KAZN: variants seen among roughly 807,000 people sequenced by gnomAD.
The protein encoded by KAZN is kazrin.
In KAZN, 40 loss-of-function variants were observed where a neutral mutation model predicts 87.4. That is an observed-to-expected ratio of 0.46 (90% confidence interval 0.36 to 0.60). The LOEUF is 0.60. Ranked by LOEUF, KAZN falls within the 20% of genes least tolerant of loss-of-function variation. The pLI is 0.00. For missense variants in KAZN, 898 were observed against 1,073.9 expected (o/e 0.84, Z 2.29); for synonymous variants, 466 against 458.3 (o/e 1.02, Z -0.22).
chr1:15,030,934 G>A (rs1173766895), intron 2 of KAZN, among the ~76,000 whole-genome samples: 4 of 152,246 alleles, frequency 2.6e-5, no homozygotes, highest in African/African-American at 7.2e-5. Context: ...CCTCCCCGTG[G>A]TGACATGGCC....
chr1:14,170,572 G>A (rs1204815568), intron 1 of KAZN, among the ~76,000 whole-genome samples: 1 of 152,196 alleles, frequency 6.6e-6, no homozygotes, highest in African/African-American at 2.4e-5. Flanking sequence ...CTGCTTTAAA[G>A]TGTATAATCC....
chr1:15,013,012 G>A (rs1046756406), intron 2 of KAZN, among the ~76,000 whole-genome samples: 4 of 152,200 alleles, frequency 2.6e-5, no homozygotes, highest in Admixed American at 2.0e-4. Flanking sequence ...GGCTCAGCCA[G>A]GTTCCCAGCT....
At chr1:14,321,407 T>C (rs1417895615) in intron 2 of KAZN, among the ~76,000 whole-genome samples, 1 of 152,220 alleles carries the variant, frequency 6.6e-6, no homozygotes, top group Admixed American at 6.5e-5. Context: ...CTTTGGGTTA[T>C]AAAATATTGA....
At chr1:14,642,339 G>A (rs1680469427) in intron 1 of KAZN, among the ~76,000 whole-genome samples, 1 of 152,232 alleles carries the variant, frequency 6.6e-6, no homozygotes, top group African/African-American at 2.4e-5. Context: ...GGCGGAGGTT[G>A]CAGTGAGCTG....
intron 2 of KAZN, among the ~76,000 whole-genome samples, chr1:14,436,229 C>T (rs575638971): frequency 2.7e-5 from 4 of 150,864 alleles, no homozygotes; most frequent in Non-Finnish European, 5.9e-5. Context: ...AACTCCAACT[C>T]AAAAAAAAGA....
intron 2 of KAZN, among the ~76,000 whole-genome samples, chr1:14,295,604 C>A (rs1005345989): frequency 6.6e-6 from 1 of 152,038 alleles, no homozygotes. Context: ...CCCATGTGCA[C>A]CAAAGAGCCA....
Position 14,146,333 on chromosome 1 carries a change from G to C in KAZN, c.92-34102G>C, listed in dbSNP as rs532016123. Reference sequence around the variant, plus strand: ...GTGGATCGCCTGAGGTCAGGAGTTTGAGACCAGCCTGGCCAACATGGTGAA... The same window carrying C: ...GTGGATCGCCTGAGGTCAGGAGTTTCAGACCAGCCTGGCCAACATGGTGAA... On this transcript the variant is annotated intron_variant, in intron 1 of 16. Coordinates refer to the KAZN transcript ENST00000636203. Among the ~76,000 whole-genome samples, 6 of 151,930 alleles carry C rather than the reference G, an allele frequency of 3.9e-5. No homozygotes were observed. The East Asian group carries it at 1.2e-3, about 29-fold the overall frequency.
At chr1:14,122,249 G>A (rs139365152) in intron 1 of KAZN, among the ~76,000 whole-genome samples, 4 of 152,310 alleles carry the variant, frequency 2.6e-5, no homozygotes, top group African/African-American at 9.6e-5. Flanking sequence ...TTTTAGATGT[G>A]CAGCAGAAAG....
At chr1:14,345,979 A>G (rs552069913) in intron 2 of KAZN, among the ~76,000 whole-genome samples, 2 of 152,330 alleles carry the variant, frequency 1.3e-5, no homozygotes, top group Middle Eastern at 6.8e-3. Context: ...TATAAGCCTT[A>G]TCGTACTAAT....
rs187397863 is a variant in KAZN, at chr1:14,856,848, A to G, written c.227-103836A>G. Among the ~76,000 whole-genome samples the G allele has an allele frequency of 2.0e-5, 3 of 152,266 alleles. No homozygotes were observed. Among genetic ancestry groups the G allele is most frequent in the East Asian group, 1.9e-4 (1 of 5,170 alleles). The stretch of plus-strand genomic sequence containing the variant: ...ACTCAGACTTTTTTCCTCTGTTGTC[A>G]TCCTTTGATGCTTCTCCTTGGGAGG... On this transcript the variant is annotated intron_variant, in intron 1 of 14. Coordinates refer to ENST00000376030, the MANE Select transcript of KAZN (RefSeq NM_201628.3). This position sits in a 1 kb window ranked among gnomAD's most constrained non-coding sequence, Gnocchi z 5.2.
At chr1:14,144,252 T>C (rs1049307967) in intron 1 of KAZN, among the ~76,000 whole-genome samples, 8 of 152,174 alleles carry the variant, frequency 5.3e-5, no homozygotes, top group Non-Finnish European at 1.0e-4. Context: ...CCTTCATCTT[T>C]TTGCTCTGCG....
At chr1:15,034,179 G>C (rs972195456) in intron 2 of KAZN, among the ~76,000 whole-genome samples, 1 of 152,180 alleles carries the variant, frequency 6.6e-6, no homozygotes, top group Admixed American at 6.5e-5. Flanking sequence ...CTTTCTTGAT[G>C]ATATCCTTTG....
At chr1:15,048,427 T>C (rs1012927740) in intron 4 of KAZN, among the ~76,000 whole-genome samples, 14 of 151,952 alleles carry the variant, frequency 9.2e-5, no homozygotes, top group African/African-American at 2.7e-4. Flanking sequence ...TGTGTATGTG[T>C]GTGTGTGTGT....
At position 14,162,985 on chromosome 1, in the gene KAZN, T is replaced by TGGACCTTCCTTTAGC. The variant is rs1312835733; in HGVS notation, c.92-17448_92-17447insACCTTCCTTTAGCGG. Among the ~76,000 whole-genome samples the TGGACCTTCCTTTAGC allele has an allele frequency of 2.0e-5, 3 of 152,076 alleles. No homozygotes were observed. The East Asian group carries it at 5.8e-4, about 29-fold the overall frequency. ...AGTAAATCTTGGCTTTTTTTTTTAGTGGTCCTTCCTTTAGCTTATCTCTCT... is the reference window on the plus strand; with the variant it reads ...AGTAAATCTTGGCTTTTTTTTTTAGTGGACCTTCCTTTAGCGGTCCTTCCTTTAGCTTATCTCTCT... On this transcript the variant is annotated intron_variant, in intron 1 of 16. Transcript: ENST00000636203.
intron 2 of KAZN, among the ~76,000 whole-genome samples, chr1:14,345,913 C>T (rs1658073469): frequency 6.6e-6 from 1 of 152,170 alleles, no homozygotes; most frequent in Admixed American, 6.5e-5. Flanking sequence ...AAGAAGTTCT[C>T]TCAGGGAAGT....
At chr1:14,349,963 C>T (rs748820023) in intron 2 of KAZN, among the ~76,000 whole-genome samples, 14 of 151,908 alleles carry the variant, frequency 9.2e-5, no homozygotes, top group East Asian at 1.9e-4. Flanking sequence ...GGCGAAAACC[C>T]GTCCCTACTG....
rs762030904 is a variant in KAZN, at chr1:14,508,674, C to G, written c.250-90309C>G. Among the ~76,000 whole-genome samples the G allele has an allele frequency of 3.3e-5, 5 of 152,252 alleles. No individual in the cohort carries two copies. The South Asian group carries it at 6.2e-4, about 19-fold the overall frequency. ...GGAGGGCTTAGAGGACCCAAGGGTCCAGGCACACATCATCCAGCATTTATG... is the reference window on the plus strand; with the variant it reads ...GGAGGGCTTAGAGGACCCAAGGGTCGAGGCACACATCATCCAGCATTTATG... On this transcript the variant is annotated intron_variant, in intron 2 of 16. Coordinates refer to the KAZN transcript ENST00000636203.
intron 1 of KAZN, among the ~76,000 whole-genome samples, chr1:14,080,136 G>T (rs1483134650): frequency 6.6e-6 from 1 of 152,142 alleles, no homozygotes; most frequent in Non-Finnish European, 1.5e-5. Context: ...TCTCAGCTGG[G>T]GTCCCTATAA....
At chr1:14,524,969 G>C (rs998225692) in intron 2 of KAZN, among the ~76,000 whole-genome samples, 2 of 152,180 alleles carry the variant, frequency 1.3e-5, no homozygotes, top group African/African-American at 4.8e-5. Context: ...TTGCACCTTG[G>C]CTAGATGTAT....
Sources: allele counts gnomAD v4.1 joint callset (sites outside exome capture counted in the v4.1 genomes callset), GRCh38; gene constraint gnomAD v4.1.1; non-coding constraint Gnocchi (gnomAD v3.1); transcripts MANE v1.5; gene names NCBI Gene and HGNC (gene_info 2026-07-23, HGNC 2026-07-21).